The following GALNT17 variants were observed in gnomAD, a reference collection of about 807,000 sequenced individuals.
GALNT17 encodes the protein polypeptide N-acetylgalactosaminyltransferase 17.
In GALNT17, 29 loss-of-function variants were observed where a neutral mutation model predicts 63.7. The observed-to-expected ratio is 0.46, with a 90% CI of 0.34 to 0.62. The LOEUF (loss-of-function observed/expected upper bound fraction) is 0.62, where lower values mean the gene tolerates loss of function less well. GALNT17 is among the 20% of genes least tolerant of loss of function. GALNT17 has a pLI of 0.01. For synonymous variants in GALNT17, 305 were observed against 318.3 expected (o/e 0.96, Z 0.45); for missense variants, 603 against 799.6 (o/e 0.75, Z 2.97).
At chr7:71,294,077 G>A (rs565624948) in intron 1 of GALNT17, among the ~76,000 whole-genome samples, 3 of 151,666 alleles carry the variant, frequency 2.0e-5, no homozygotes, top group Non-Finnish European at 4.4e-5. Flanking sequence ...CAGGAGAATG[G>A]TGTGAACCCG....
chr7:71,567,306 A>G (rs1327392195), intron 5 of GALNT17, among the ~76,000 whole-genome samples: 7 of 152,196 alleles, frequency 4.6e-5, no homozygotes, highest in African/African-American at 1.2e-4. Flanking sequence ...TCCCGTTTGC[A>G]TAAGTGTGAT....
chr7:71,646,283 A>C (rs1351657634), intron 6 of GALNT17, among the ~76,000 whole-genome samples: 1 of 152,200 alleles, frequency 6.6e-6, no homozygotes, highest in Admixed American at 6.5e-5. Context: ...ATGCAAAAAG[A>C]AAAGGATGGG....
intron 5 of GALNT17, among the ~76,000 whole-genome samples, chr7:71,533,757 A>G (rs1788757017): frequency 6.6e-6 from 1 of 152,172 alleles, no homozygotes. Flanking sequence ...AACAATAAGT[A>G]TTGCCAGGGA....
chr7:71,244,141 T>G (rs942296658), intron 1 of GALNT17, among the ~76,000 whole-genome samples: 1 of 152,216 alleles, frequency 6.6e-6, no homozygotes, highest in African/African-American at 2.4e-5. Context: ...CGCCTGCTGC[T>G]ACTGCATGCC....
chr7:71,221,649 G>A (rs1409914169), intron 1 of GALNT17, among the ~76,000 whole-genome samples: 1 of 152,132 alleles, frequency 6.6e-6, no homozygotes, highest in African/African-American at 2.4e-5. Flanking sequence ...GCAGTGGTCA[G>A]GCTGATGTCA....
At chr7:71,472,518 G>T (rs1583983543) in intron 5 of GALNT17, among the ~76,000 whole-genome samples, 1 of 151,994 alleles carries the variant, frequency 6.6e-6, no homozygotes, top group South Asian at 2.1e-4. Context: ...GAAACCCCGT[G>T]TCTACTAAAA....
intron 9 of GALNT17, among the ~76,000 whole-genome samples, chr7:71,708,521 G>C (rs10231977): frequency 0.14 from 20,763 of 152,166 alleles, 1,623 homozygotes; most frequent in African/African-American, 0.2. Flanking sequence ...GGTGGGGACA[G>C]AGCCAAACCA....
intron 6 of GALNT17, among the ~76,000 whole-genome samples, chr7:71,657,269 A>G (rs751242949): frequency 2.0e-5 from 3 of 152,158 alleles, no homozygotes; most frequent in Admixed American, 6.6e-5. Context: ...TCATTTTTGG[A>G]TTTCTATATA....
chr7:71,384,726 C>T (rs2116330296), intron 2 of GALNT17, among the ~76,000 whole-genome samples: 1 of 152,314 alleles, frequency 6.6e-6, no homozygotes, highest in East Asian at 1.9e-4. Flanking sequence ...TAGCTCTTTA[C>T]TGTGTAATCT....
chr7:71,567,148 G>C (rs1291916230), intron 5 of GALNT17, among the ~76,000 whole-genome samples: 1 of 152,166 alleles, frequency 6.6e-6, no homozygotes, highest in Non-Finnish European at 1.5e-5. Flanking sequence ...TGAGGCCAGG[G>C]AATGGGCTCA....
chr7:71,141,372 C>CA (rs1182937935), intron 1 of GALNT17, among the ~76,000 whole-genome samples: 58 of 127,242 alleles, frequency 4.6e-4, no homozygotes, highest in South Asian at 1.0e-3. Context: ...AAGACTGTCT[C>CA]AAAAAAAAAA....
intron 1 of GALNT17, among the ~76,000 whole-genome samples, chr7:71,313,105 G>A (rs535055746): frequency 5.3e-5 from 8 of 152,160 alleles, no homozygotes; most frequent in East Asian, 1.9e-4. Context: ...GCGAGACCCC[G>A]TATCTTTAAA....
chr7:71,339,888 G>A (rs994383807), intron 2 of GALNT17, among the ~76,000 whole-genome samples: 2 of 152,062 alleles, frequency 1.3e-5, no homozygotes, highest in African/African-American at 4.8e-5. Flanking sequence ...CTATTAAAAT[G>A]ATAGCAAAGG....
intron 5 of GALNT17, among the ~76,000 whole-genome samples, chr7:71,525,992 G>A (rs990862893): frequency 3.3e-5 from 5 of 151,852 alleles, no homozygotes; most frequent in South Asian, 2.1e-4. Flanking sequence ...CACCTGCCTC[G>A]GCCTCCCAAA....
At chr7:71,558,708 T>C (rs1190266363) in intron 5 of GALNT17, among the ~76,000 whole-genome samples, 1 of 152,202 alleles carries the variant, frequency 6.6e-6, no homozygotes, top group East Asian at 1.9e-4. Context: ...CCAAGGCTTA[T>C]TTGCAAATCA....
chr7:71,265,452 T>C (rs1038644045), intron 1 of GALNT17, among the ~76,000 whole-genome samples: 3 of 152,104 alleles, frequency 2.0e-5, no homozygotes, highest in Non-Finnish European at 4.4e-5. Context: ...TGTATCAATA[T>C]TTTTTAATGT....
chr7:71,476,470 G>T (rs60191232), intron 5 of GALNT17, among the ~76,000 whole-genome samples: 30,032 of 151,488 alleles, frequency 0.2, 3,830 homozygotes, highest in East Asian at 0.55. Flanking sequence ...GGAAGCAAAG[G>T]TGGTATTGCC....
intron 1 of GALNT17, among the ~76,000 whole-genome samples, chr7:71,242,254 T>C (rs1288864162): frequency 1.4e-5 from 2 of 146,174 alleles, no homozygotes; most frequent in African/African-American, 2.6e-5. Flanking sequence ...CTTTTTTTTT[T>C]TTTTTCTTTT....
intron 3 of GALNT17, among the ~76,000 whole-genome samples, chr7:71,405,680 A>C (rs892108481): frequency 1.3e-5 from 2 of 152,170 alleles, no homozygotes; most frequent in Admixed American, 6.5e-5. Flanking sequence ...CCTAGTCCTC[A>C]TAGATGTCTC....
Sources: allele counts gnomAD v4.1 joint callset (sites outside exome capture counted in the v4.1 genomes callset), GRCh38; gene constraint gnomAD v4.1.1; transcripts MANE v1.5; gene names NCBI Gene and HGNC (gene_info 2026-07-23, HGNC 2026-07-21).